The following SNX29 variants were observed in gnomAD, a reference collection of about 807,000 sequenced individuals.
SNX29 encodes the protein sorting nexin 29, also known as sorting nexin-29.
Under a neutral mutation model 102.1 loss-of-function variants are expected in SNX29, and 78 were observed. That is an observed-to-expected ratio of 0.76 (90% CI 0.64 to 0.92). The LOEUF is 0.92. SNX29 is among the 40% of genes least tolerant of loss of function. The pLI is 0.00. For synonymous variants in SNX29, 580 were observed against 414.5 expected (o/e 1.40, Z -4.85); for missense variants, 1,280 against 1,061.7 (o/e 1.21, Z -2.86).
chr16:12,109,283 G>A (rs1196564057), intron 11 of SNX29, among the ~76,000 whole-genome samples: 1 of 152,022 alleles, frequency 6.6e-6, no homozygotes, highest in South Asian at 2.1e-4. Context: ...AGCAGCAGAT[G>A]GGGAGGGGAC....
chr16:12,051,665 T>C (rs1025140557), intron 7 of SNX29, among the ~76,000 whole-genome samples, 182 bp from the exon 8 acceptor site: 1 of 152,236 alleles, frequency 6.6e-6, no homozygotes, highest in African/African-American at 2.4e-5. Flanking sequence ...GAGGCCTGCG[T>C]CCATTCTGCT....
At chr16:12,437,470 T>A (rs2085589285) in intron 18 of SNX29, among the ~76,000 whole-genome samples, 1 of 152,176 alleles carries the variant, frequency 6.6e-6, no homozygotes, top group South Asian at 2.1e-4. Flanking sequence ...GCATGGGAGA[T>A]GGTGGCCTTT....
intron 14 of SNX29, among the ~76,000 whole-genome samples, chr16:12,242,381 T>C (rs1782266137): frequency 6.9e-6 from 1 of 145,828 alleles, no homozygotes; most frequent in Non-Finnish European, 1.5e-5. Flanking sequence ...TTTTTTTTTT[T>C]TTAAGAAGAG....
At position 12,568,594 on chromosome 16, in the gene SNX29, A is replaced by G. The variant is rs763681656; in HGVS notation, c.2407A>G (p.Thr803Ala). 1.2e-6 allele frequency: 2 copies of G among 1,606,014 alleles called. No homozygotes were observed. The highest frequency in any genetic ancestry group is 1.7e-6 in the Non-Finnish European group (2 of 1,179,798). The change falls in exon 21 of 21, where the codon ACC (threonine) becomes GCC (alanine). Residue 803 changes from threonine (T) to alanine (A), a missense_variant. Transcript: ENST00000566228. ...PKLSRGQPRE[T>A]RNVEPQSGDL is the part of the protein sequence containing the mutation. ...ACTGTCCCGGGGTCAGCCCCGGGAG[A>G]CCCGCAACGTGGAGCCCCAGAGCGG... is the stretch of plus-strand genomic sequence containing the variant.
chr16:12,541,387 C>T (rs907062802), intron 20 of SNX29, among the ~76,000 whole-genome samples: 1 of 152,160 alleles, frequency 6.6e-6, no homozygotes, highest in Non-Finnish European at 1.5e-5. Context: ...TTACCATGTG[C>T]AGGCTCATTG....
At chr16:12,443,741 G>A (rs144169232) in intron 18 of SNX29, among the ~76,000 whole-genome samples, 9 of 152,328 alleles carry the variant, frequency 5.9e-5, no homozygotes, top group South Asian at 2.1e-4. Context: ...ATGAGCCACC[G>A]CACCCGGCCA....
chr16:12,295,738 A>G (rs1397648731), intron 15 of SNX29, among the ~76,000 whole-genome samples: 2 of 151,328 alleles, frequency 1.3e-5, no homozygotes, highest in African/African-American at 2.4e-5. Context: ...AGCAAAGACT[A>G]TTTCTTTAGC....
At position 12,353,631 on chromosome 16, in the gene SNX29, G is replaced by T. The variant is rs1237882253; in HGVS notation, c.1783-2532G>T. Among the ~76,000 whole-genome samples, 11 of 152,190 alleles carry T rather than the reference G, an allele frequency of 7.2e-5. No homozygotes were observed. The East Asian group carries it at 1.9e-3, about 27-fold the overall frequency. The stretch of plus-strand genomic sequence containing the variant: ...GCCTCTGGTGCCGGCATTTGCACCT[G>T]TAGTTTCCTCCACTGGTCATACCTT... On this transcript the variant is annotated intron_variant, in intron 15 of 20. Coordinates refer to ENST00000566228, the MANE Select transcript of SNX29 (RefSeq NM_032167.5).
In SNX29 at chr16:12,568,435, T is replaced by TC. The variant is rs1270882708; in HGVS notation, c.2319-67dup. Reference sequence around the variant, plus strand: ...GATCCCTCCTGCCCTCACACCTGGCTCCCCTTCCTGGCCTGTGGTCATTTG... The same window carrying TC: ...GATCCCTCCTGCCCTCACACCTGGCTCCCCCTTCCTGGCCTGTGGTCATTTG... On this transcript the variant is annotated intron_variant, in intron 20 of 20. Coordinates refer to ENST00000566228, the MANE Select transcript of SNX29 (RefSeq NM_032167.5). 1.6e-5 allele frequency: 25 copies of TC among 1,583,264 alleles called. 1 individual carries two copies. The South Asian group carries it at 1.6e-4, about 10-fold the overall frequency.
chr16:12,016,939 C>A (rs979928147), intron 3 of SNX29, among the ~76,000 whole-genome samples: 1 of 151,152 alleles, frequency 6.6e-6, no homozygotes, highest in East Asian at 1.9e-4. Flanking sequence ...CCAGCCTGGG[C>A]AACATAGTGA....
intron 15 of SNX29, among the ~76,000 whole-genome samples, chr16:12,291,911 G>A (rs144659711): frequency 6.6e-6 from 1 of 152,216 alleles, no homozygotes; most frequent in Non-Finnish European, 1.5e-5. Flanking sequence ...CAGATCAGTG[G>A]ATATATTGAA....
At chr16:12,143,282 C>T (rs2054931136) in intron 13 of SNX29, among the ~76,000 whole-genome samples, 1 of 152,170 alleles carries the variant, frequency 6.6e-6, no homozygotes, top group South Asian at 2.1e-4. Context: ...CAGGCATGAG[C>T]CACTGCGCCT....
chr16:12,048,953 G>A (rs777135821), intron 7 of SNX29, among the ~76,000 whole-genome samples: 3 of 152,188 alleles, frequency 2.0e-5, no homozygotes, highest in Admixed American at 6.5e-5. Context: ...GTTAGGCGGT[G>A]AGCCGAATAG....
intron 13 of SNX29, among the ~76,000 whole-genome samples, chr16:12,151,190 C>G (rs1306638225): frequency 1.3e-5 from 2 of 152,198 alleles, no homozygotes; most frequent in Admixed American, 1.3e-4. Flanking sequence ...GTTACACTCT[C>G]TGCTTTGTTT....
At chr16:12,538,545 C>G (rs570705945) in intron 20 of SNX29, among the ~76,000 whole-genome samples, 180 of 152,190 alleles carry the variant, frequency 1.2e-3, no homozygotes, top group African/African-American at 4.2e-3. Context: ...AGGTGATGGG[C>G]TAGGAGGCTT....
Position 12,098,429 on chromosome 16 carries a change from G to A in SNX29, c.1402+19514G>A, listed in dbSNP as rs1341041566. On this transcript the variant is annotated intron_variant, in intron 11 of 20. Coordinates refer to ENST00000566228, the MANE Select transcript of SNX29 (RefSeq NM_032167.5). This position sits in a 1 kb window ranked among gnomAD's most constrained non-coding sequence, Gnocchi z 6.0. Reference sequence around the variant, plus strand: ...AACGTCGCTGCCCAGTTGAATAGGGGGTTGGGCATACTGGAGCTCCCACTT... The same window carrying A: ...AACGTCGCTGCCCAGTTGAATAGGGAGTTGGGCATACTGGAGCTCCCACTT... Among the ~76,000 whole-genome samples the A allele has an allele frequency of 6.6e-6, 1 of 152,140 alleles. No individual in the cohort carries two copies. Among genetic ancestry groups the A allele is most frequent in the African/African-American group, 2.4e-5 (1 of 41,412 alleles).
chr16:12,127,350 C>T (rs1023356918), intron 12 of SNX29, among the ~76,000 whole-genome samples: 1 of 151,732 alleles, frequency 6.6e-6, no homozygotes, highest in Non-Finnish European at 1.5e-5. Flanking sequence ...TCAACACAGT[C>T]AATTTTAGAA....
chr16:12,465,144 G>C (rs1350805803), intron 18 of SNX29, among the ~76,000 whole-genome samples: 1 of 152,110 alleles, frequency 6.6e-6, no homozygotes, highest in African/African-American at 2.4e-5. Flanking sequence ...TCAGATATGG[G>C]GGTTGCAAAT....
chr16:12,338,368 A>G (rs2081513319), intron 15 of SNX29, among the ~76,000 whole-genome samples: 1 of 152,046 alleles, frequency 6.6e-6, no homozygotes, highest in African/African-American at 2.4e-5. Flanking sequence ...AAGGAAGCTC[A>G]TCGGGGATCA....
Sources: gnomAD v4.1 joint callset for allele counts (sites outside exome capture counted in the v4.1 genomes callset) on GRCh38, gnomAD v4.1.1 for gene constraint, Gnocchi (gnomAD v3.1) non-coding constraint, MANE v1.5 for transcripts, NCBI Gene and HGNC (gene_info 2026-07-23, HGNC 2026-07-21) for gene names.